The following STYXL1 variants were observed in gnomAD, a reference collection of about 807,000 sequenced individuals.
STYXL1 encodes serine/threonine/tyrosine interacting like 1.
In STYXL1, 32 loss-of-function variants were observed where a neutral mutation model predicts 36.4. The observed-to-expected ratio is 0.88, with a 90% CI of 0.66 to 1.18. The LOEUF is 1.18. STYXL1 is among the 50% of genes most tolerant of loss of function. STYXL1 has a pLI of 0.00. For synonymous variants in STYXL1, 133 were observed against 144.1 expected (o/e 0.92, Z 0.55); for missense variants, 354 against 394.1 (o/e 0.90, Z 0.86).
At chr7:76,019,684 G>A (rs1793816141) in intron 4 of STYXL1, among the ~76,000 whole-genome samples, 1 of 151,936 alleles carries the variant, frequency 6.6e-6, no homozygotes, top group Non-Finnish European at 1.5e-5. Context: ...AAGTGGCTGG[G>A]ACCTATCTGA....
intron 3 of STYXL1, among the ~76,000 whole-genome samples, chr7:76,027,221 G>C (rs1299642644): frequency 6.6e-6 from 1 of 152,068 alleles, no homozygotes; most frequent in East Asian, 1.9e-4. Context: ...CACCCTGGAG[G>C]CGTGGGGAAA....
chr7:76,011,675 C>T (rs992151088), intron 5 of STYXL1, among the ~76,000 whole-genome samples: 6 of 152,224 alleles, frequency 3.9e-5, no homozygotes, highest in African/African-American at 9.6e-5. Flanking sequence ...CATCTGTACA[C>T]GGCACTCTCC....
chr7:75,998,652 T>G (rs1790428875), intron 8 of STYXL1: 1 of 152,068 alleles, frequency 6.6e-6, no homozygotes, highest in Non-Finnish European at 1.5e-5. Context: ...AAAAGGACAG[T>G]CATTTCAACA....
chr7:76,040,592 GC>G (rs1796383351), intron 1 of STYXL1, among the ~76,000 whole-genome samples: 1 of 152,084 alleles, frequency 6.6e-6, no homozygotes, highest in African/African-American at 2.4e-5. Context: ...CAATCCCAGC[GC>G]TTTGGGAGAC....
chr7:76,021,408 G>A (rs1794057150), intron 4 of STYXL1, among the ~76,000 whole-genome samples: 1 of 152,122 alleles, frequency 6.6e-6, no homozygotes, highest in African/African-American at 2.4e-5. Flanking sequence ...TAACTGCTCT[G>A]TAGGTGACAA....
intron 7 of STYXL1, among the ~76,000 whole-genome samples, chr7:76,002,325 T>G (rs1405467259): frequency 1.3e-5 from 2 of 152,162 alleles, no homozygotes; most frequent in African/African-American, 4.8e-5. Context: ...AGAGGAAATC[T>G]AAGCTGGCAC....
At chr7:76,021,050 C>T (rs956399290) in intron 4 of STYXL1, among the ~76,000 whole-genome samples, 1 of 152,026 alleles carries the variant, frequency 6.6e-6, no homozygotes, top group Admixed American at 6.6e-5. Context: ...TGTGTATTGT[C>T]CTAGAATCAC....
At chr7:76,009,279 C>T (rs1792233848) in intron 5 of STYXL1, among the ~76,000 whole-genome samples, 1 of 151,324 alleles carries the variant, frequency 6.6e-6, no homozygotes, top group Middle Eastern at 3.4e-3. Context: ...CCACCCCGCC[C>T]CCTCCCGAGT....
chr7:76,046,249 C>T (rs1425388512), intron 1 of STYXL1, among the ~76,000 whole-genome samples: 3 of 149,818 alleles, frequency 2.0e-5, no homozygotes, highest in Non-Finnish European at 4.4e-5. Flanking sequence ...AACACCTACT[C>T]TTCCAGCATG....
chr7:76,014,353 GT>G (rs1182669106), intron 4 of STYXL1, among the ~76,000 whole-genome samples: 4 of 149,692 alleles, frequency 2.7e-5, no homozygotes, highest in Non-Finnish European at 5.9e-5. Flanking sequence ...TTACCACCGG[GT>G]TTTTTTTGTT....
At chr7:76,025,941 C>G (rs1278310444) in intron 3 of STYXL1, among the ~76,000 whole-genome samples, 1 of 151,838 alleles carries the variant, frequency 6.6e-6, no homozygotes, top group African/African-American at 2.4e-5. Flanking sequence ...GCCTGTAATT[C>G]CAGCACTTTG....
chr7:76,024,821 C>T (rs1360426187), intron 3 of STYXL1, among the ~76,000 whole-genome samples: 4 of 151,344 alleles, frequency 2.6e-5, no homozygotes, highest in African/African-American at 4.9e-5. Flanking sequence ...TGGTGGTATG[C>T]GCCTGTAGTC....
intron 1 of STYXL1, among the ~76,000 whole-genome samples, chr7:76,047,069 G>A (rs1291534214): frequency 1.4e-5 from 2 of 145,012 alleles, no homozygotes; most frequent in Admixed American, 1.4e-4. Flanking sequence ...AGACCAGCCT[G>A]ACCAACGTGG....
intron 8 of STYXL1, chr7:76,000,403 C>T (rs997431256): frequency 5.3e-5 from 24 of 456,582 alleles, no homozygotes; most frequent in Non-Finnish European, 8.4e-5. Flanking sequence ...CTGGGGATCA[C>T]GAACAGGCTG....
chr7:76,000,354 T>C, intron 8 of STYXL1: 1 of 450,898 alleles, frequency 2.2e-6, no homozygotes, highest in Non-Finnish European at 4.5e-6. Context: ...AAAACATCCC[T>C]GGGCAAATGT....
chr7:76,040,843 A>G (rs1207597583), intron 1 of STYXL1, among the ~76,000 whole-genome samples: 5 of 152,034 alleles, frequency 3.3e-5, no homozygotes, highest in Non-Finnish European at 7.4e-5. Context: ...AGAAAAAAGA[A>G]AAAAGAAAAG....
At chr7:76,016,123 C>T (rs1437167125) in intron 4 of STYXL1, among the ~76,000 whole-genome samples, 3 of 151,886 alleles carry the variant, frequency 2.0e-5, no homozygotes, top group Non-Finnish European at 4.4e-5. Flanking sequence ...TATATACACA[C>T]ACATATATCT....
rs147450925 is a variant in STYXL1 at position 76,009,166 on chromosome 7, G to A, written c.454-3762C>T. 6.6e-3 allele frequency among the ~76,000 whole-genome samples: 998 copies of A among 152,240 alleles called. 12 individuals carry two copies. The highest frequency in any genetic ancestry group is 0.021 in the African/African-American group (864 of 41,540). On this transcript the variant is annotated intron_variant, in intron 5 of 8. Transcript: ENST00000359697. ...ATAAAAACACACTGTACTGTAGAAT[G>A]TGTGTAAATGCTCAGTGACACAATG...
In STYXL1 at chr7:76,031,452, C is replaced by T. The variant is rs1300149718; in HGVS notation, c.-4-925G>A. Among the ~76,000 whole-genome samples the T allele has an allele frequency of 3.3e-5, 5 of 151,562 alleles. No individual in the cohort carries two copies. In the South Asian group the frequency reaches 8.3e-4, roughly 25 times the overall value. On this transcript the variant is annotated intron_variant, in intron 1 of 8. Coordinates refer to ENST00000359697, the MANE Select transcript of STYXL1 (RefSeq NM_001317785.2). Reference sequence around the variant, plus strand: ...ATAGTTGGCTGGGCGCAGTAGCTCACGCCTGTAATCCCAACACTTTGGGAG... The same window carrying T: ...ATAGTTGGCTGGGCGCAGTAGCTCATGCCTGTAATCCCAACACTTTGGGAG...
Sources: allele counts gnomAD v4.1 joint callset (sites outside exome capture counted in the v4.1 genomes callset), GRCh38; gene constraint gnomAD v4.1.1; transcripts MANE v1.5; gene names NCBI Gene and HGNC (gene_info 2026-07-23, HGNC 2026-07-21).